Variants in CCDC7 observed in about 807,000 individuals in gnomAD.
CCDC7 encodes coiled-coil domain-containing protein 7.
Under a neutral mutation model 196.9 loss-of-function variants are expected in CCDC7, and 183 were observed. The observed-to-expected ratio is 0.93, with a 90% CI of 0.82 to 1.05. The LOEUF is 1.05. Among genes scored for constraint, CCDC7 ranks in the 50% least tolerant of loss-of-function variants. CCDC7 has a pLI of 0.00. For synonymous variants in CCDC7, 525 were observed against 484.6 expected (o/e 1.08, Z -1.10); for missense variants, 1,540 against 1,482.2 (o/e 1.04, Z -0.64).
chr10:32,739,954 C>T (rs1405141219), intron 28 of CCDC7, among the ~76,000 whole-genome samples: 1 of 151,754 alleles, frequency 6.6e-6, no homozygotes, highest in East Asian at 1.9e-4. Context: ...TATGCAGGAG[C>T]CTGATTAATG....
At chr10:32,749,123 CT>C (rs1163830096) in intron 28 of CCDC7, among the ~76,000 whole-genome samples, 1 of 152,164 alleles carries the variant, frequency 6.6e-6, no homozygotes, top group Non-Finnish European at 1.5e-5. Flanking sequence ...GATTCCCTAT[CT>C]TTACCTGTTT....
intron 20 of CCDC7, among the ~76,000 whole-genome samples, chr10:32,638,257 C>T (rs2066029830): frequency 6.6e-6 from 1 of 152,196 alleles, no homozygotes; most frequent in Non-Finnish European, 1.5e-5. Flanking sequence ...GCCAGAACTT[C>T]CAAAACTAAG....
intron 14 of CCDC7, 69 bp from the exon 16 acceptor site, chr10:32,567,601 C>A: frequency 6.7e-7 from 1 of 1,482,940 alleles, no homozygotes; most frequent in Non-Finnish European, 9.0e-7. Context: ...ATGTAGATTC[C>A]TGAATGTGGT....
At chr10:32,797,701 G>A (rs2083901095) in intron 29 of CCDC7, among the ~76,000 whole-genome samples, 1 of 151,934 alleles carries the variant, frequency 6.6e-6, no homozygotes, top group South Asian at 2.1e-4. Context: ...TAAAACAAAA[G>A]GGAAAAAATT....
At position 32,821,339 on chromosome 10, in the gene CCDC7, T is replaced by C. The variant is rs1172608421; in HGVS notation, c.3182-3179T>C. The stretch of plus-strand genomic sequence containing the variant: ...AGGTGCTGGAGAGGATGTGGAGAAA[T>C]AGGAACACTTTTACACTGTTGGTGG... On this transcript the variant is annotated intron_variant, in intron 31 of 41. Coordinates refer to ENST00000639629, the Ensembl canonical transcript of CCDC7. 6.6e-5 allele frequency among the ~76,000 whole-genome samples: 10 copies of C among 152,058 alleles called. 1 individual carries two copies. The South Asian group carries it at 1.9e-3, about 29-fold the overall frequency.
intron 11 of CCDC7, among the ~76,000 whole-genome samples, chr10:32,543,076 T>A (rs1005514132): frequency 6.6e-6 from 1 of 152,166 alleles, no homozygotes; most frequent in African/African-American, 2.4e-5. Flanking sequence ...AAAATTTAAA[T>A]GTTTTAATAT....
At chr10:32,672,584 C>T (rs1423009184) in intron 21 of CCDC7, among the ~76,000 whole-genome samples, 2 of 152,154 alleles carry the variant, frequency 1.3e-5, no homozygotes, top group Non-Finnish European at 2.9e-5. Context: ...ACACATCACC[C>T]TTTCTGGGGT....
intron 41 of CCDC7, among the ~76,000 whole-genome samples, chr10:32,867,088 T>G (rs529695416): frequency 6.6e-6 from 1 of 151,652 alleles, no homozygotes; most frequent in South Asian, 2.1e-4. Flanking sequence ...CTATTCCAGA[T>G]TAAGAGAGAC....
intron 24 of CCDC7, among the ~76,000 whole-genome samples, chr10:32,701,200 G>A (rs907081659): frequency 6.6e-6 from 1 of 152,140 alleles, no homozygotes; most frequent in South Asian, 2.1e-4. Flanking sequence ...ATTTGTCCTG[G>A]ATAGCTCTTA....
chr10:32,483,025 T>G (rs1412925297), intron 8 of CCDC7, among the ~76,000 whole-genome samples: 12 of 152,260 alleles, frequency 7.9e-5, no homozygotes, highest in South Asian at 2.1e-4. Flanking sequence ...GTAATGGGAT[T>G]GCTGGGTCAA....
intron 18 of CCDC7, among the ~76,000 whole-genome samples, chr10:32,598,045 C>G (rs1759658): frequency 6.6e-6 from 1 of 152,028 alleles, no homozygotes; most frequent in Non-Finnish European, 1.5e-5. Context: ...TGGACAGGGA[C>G]GTTTAAGTCT....
chr10:32,762,357 G>A (rs1274786794), intron 28 of CCDC7, among the ~76,000 whole-genome samples: 1 of 151,466 alleles, frequency 6.6e-6, no homozygotes, highest in Non-Finnish European at 1.5e-5. Flanking sequence ...TGGTTTGTTG[G>A]CACACTCTTC....
chr10:32,610,394 G>A (rs539952101), intron 18 of CCDC7, among the ~76,000 whole-genome samples: 12 of 152,178 alleles, frequency 7.9e-5, no homozygotes, highest in African/African-American at 2.9e-4. Context: ...GTGAGCCAAC[G>A]CACCCGGCCC....
At chr10:32,688,001 A>T (rs2076656749) in intron 22 of CCDC7, among the ~76,000 whole-genome samples, 1 of 152,150 alleles carries the variant, frequency 6.6e-6, no homozygotes. Flanking sequence ...ACTCATCATG[A>T]GTGGGCCAAA....
At chr10:32,667,263 A>G (rs2072997237) in intron 21 of CCDC7, among the ~76,000 whole-genome samples, 1 of 152,018 alleles carries the variant, frequency 6.6e-6, no homozygotes, top group South Asian at 2.1e-4. Context: ...TAGATTTTGG[A>G]TATTAGCCCT....
intron 24 of CCDC7, 48 bp downstream of exon 25, chr10:32,695,040 A>G: frequency 1.0e-6 from 1 of 999,718 alleles, no homozygotes; most frequent in Non-Finnish European, 1.4e-6. Context: ...AGTTAATCTC[A>G]TTAGATCATT....
At chr10:32,779,696 A>G (rs2080732463) in intron 29 of CCDC7, among the ~76,000 whole-genome samples, 1 of 152,252 alleles carries the variant, frequency 6.6e-6, no homozygotes, top group Non-Finnish European at 1.5e-5. Flanking sequence ...AACTGAAAAC[A>G]TCCAAACTCT....
At chr10:32,818,766 T>G (rs912983473) in intron 31 of CCDC7, among the ~76,000 whole-genome samples, 1 of 152,002 alleles carries the variant, frequency 6.6e-6, no homozygotes, top group Non-Finnish European at 1.5e-5. Context: ...TTGAAACCAA[T>G]GAGAACAAAG....
chr10:32,489,383 C>T (rs546066960), intron 8 of CCDC7, among the ~76,000 whole-genome samples: 14 of 152,234 alleles, frequency 9.2e-5, no homozygotes, highest in East Asian at 3.9e-4. Context: ...GCAACAGTTG[C>T]GTGGGCTAGC....
Sources: allele counts gnomAD v4.1 joint callset (sites outside exome capture counted in the v4.1 genomes callset), GRCh38; gene constraint gnomAD v4.1.1; transcripts MANE v1.5; gene names NCBI Gene and HGNC (gene_info 2026-07-23, HGNC 2026-07-21).